The following SIN3A variants were observed in gnomAD, a reference collection of about 807,000 sequenced individuals.
SIN3A encodes the protein paired amphipathic helix protein Sin3a.
Under a neutral mutation model 146.1 loss-of-function variants are expected in SIN3A, and 14 were observed. The ratio of observed to expected loss-of-function variants is 0.10; its 90% confidence interval spans 0.06 to 0.15. The LOEUF (loss-of-function observed/expected upper bound fraction) is 0.15. SIN3A is among the 10% of genes least tolerant of loss of function. SIN3A has a pLI of 1.00. For synonymous variants in SIN3A, 572 were observed against 572.0 expected (o/e 1.00, Z 0.00); for missense variants, 1,028 against 1,576.0 (o/e 0.65, Z 5.89).
In SIN3A at chr15:75,412,844, T is replaced by C. The variant is rs145763932; in HGVS notation, c.675A>G (p.Gln225=). 1.2e-4 allele frequency: 189 copies of C among 1,612,262 alleles called. No individual in the cohort carries two copies. The highest frequency in any genetic ancestry group is 1.5e-4 in the Non-Finnish European group (179 of 1,179,096). Residue 225 remains glutamine, a synonymous_variant, in exon 5 of 21, where the codon CAA becomes CAG. Coordinates refer to ENST00000394947, the MANE Select transcript of SIN3A (RefSeq NM_001145358.2). ...GIQPQPQPPP[Q]HPSQPSAQSA... ...ACTGGGCTGAAGGCTGGGAAGGATGTTGGGGTGGTGGTTGAGGCTGTGGCT... is the reference window on the plus strand; with the variant it reads ...ACTGGGCTGAAGGCTGGGAAGGATGCTGGGGTGGTGGTTGAGGCTGTGGCT...
chr15:75,372,393 T>G (rs1005777130), intron 20 of SIN3A, among the ~76,000 whole-genome samples, 184 bp from the exon 21 acceptor site: 1 of 151,078 alleles, frequency 6.6e-6, no homozygotes, highest in Non-Finnish European at 1.5e-5. Context: ...GTTAAAGAGG[T>G]AAGAACATAG....
chr15:75,391,425 A>G (rs2073196858), intron 15 of SIN3A, among the ~76,000 whole-genome samples: 1 of 152,034 alleles, frequency 6.6e-6, no homozygotes, highest in Non-Finnish European at 1.5e-5. Context: ...AGCTTTCAGA[A>G]TTATTTTTCA....
At chr15:75,395,870 A>T (rs1241867084) in intron 13 of SIN3A, among the ~76,000 whole-genome samples, 1 of 152,158 alleles carries the variant, frequency 6.6e-6, no homozygotes, top group Non-Finnish European at 1.5e-5. Context: ...ACACTACTGC[A>T]CTCCAGCCTG....
At chr15:75,424,151 C>T (rs1374781241) in intron 2 of SIN3A, among the ~76,000 whole-genome samples, 1 of 151,800 alleles carries the variant, frequency 6.6e-6, no homozygotes, top group African/African-American at 2.4e-5. Context: ...TACATAAACC[C>T]GCCGGGCGTG....
chr15:75,375,657 G>C lies in SIN3A; in HGVS notation c.3591+8C>G. The C allele has an allele frequency of 1.2e-6, 2 of 1,612,030 alleles. No individual in the cohort carries two copies. The highest frequency in any genetic ancestry group is 1.7e-6 in the Non-Finnish European group (2 of 1,178,092). On this transcript the variant is annotated splice_region_variant and intron_variant, in intron 20 of 20. Coordinates refer to ENST00000394947, the MANE Select transcript of SIN3A (RefSeq NM_001145358.2). ...ATGTGTACAGAAATTTCAGTTACTGGTTCTCACCTGATGAGCCCGGAGCAG... is the reference window on the plus strand; with the variant it reads ...ATGTGTACAGAAATTTCAGTTACTGCTTCTCACCTGATGAGCCCGGAGCAG...
chr15:75,409,725 TCAAAAAAA>T, intron 8 of SIN3A, 103 bp downstream of exon 8: 1 of 1,251,624 alleles, frequency 8.0e-7, no homozygotes, highest in East Asian at 2.3e-5. Flanking sequence ...AGACTCGGTC[TCAAAAAAA>T]CAAAAAAAAA....
chr15:75,428,542 C>CT (rs1298073934), intron 2 of SIN3A, among the ~76,000 whole-genome samples: 32 of 152,174 alleles, frequency 2.1e-4, no homozygotes, highest in Admixed American at 4.6e-4. Context: ...AGTTCACACT[C>CT]TGTCACCCAC....
chr15:75,439,635 G>C (rs893201587), intron 1 of SIN3A, among the ~76,000 whole-genome samples: 9 of 151,782 alleles, frequency 5.9e-5, no homozygotes, highest in African/African-American at 2.2e-4. Context: ...GTGAGCCACC[G>C]CACCCGGCCA....
chr15:75,399,002 G>A (rs541086365), intron 12 of SIN3A, among the ~76,000 whole-genome samples: 2 of 150,062 alleles, frequency 1.3e-5, no homozygotes, highest in Non-Finnish European at 3.0e-5. Context: ...AAACCTGCAC[G>A]TTCTGCACAT....
chr15:75,446,705 TG>T (rs1340864629), intron 1 of SIN3A, among the ~76,000 whole-genome samples: 3 of 152,076 alleles, frequency 2.0e-5, no homozygotes, highest in Non-Finnish European at 4.4e-5. Flanking sequence ...ATGCCCAAGC[TG>T]GTCTCAAACT....
chr15:75,391,833 C>T (rs960726005), intron 15 of SIN3A, among the ~76,000 whole-genome samples: 1 of 152,160 alleles, frequency 6.6e-6, no homozygotes, highest in African/African-American at 2.4e-5. Flanking sequence ...AACAGAAGTC[C>T]TGCTCAAAAA....
At chr15:75,417,063 G>A (rs2073751727) in intron 3 of SIN3A, among the ~76,000 whole-genome samples, 1 of 151,224 alleles carries the variant, frequency 6.6e-6, no homozygotes, top group Admixed American at 6.6e-5. Flanking sequence ...TCATTGTTAA[G>A]GATTGTCCAT....
chr15:75,455,387 A>G (rs1210932067), upstream of SIN3A, among the ~76,000 whole-genome samples: 3 of 152,046 alleles, frequency 2.0e-5, no homozygotes, highest in East Asian at 3.9e-4. Context: ...TTTTCTTTCC[A>G]GTATTTTTCT....
At chr15:75,407,182 G>T in intron 8 of SIN3A, 38 bp from the exon 9 acceptor site, 2 of 1,372,576 alleles carry the variant, frequency 1.5e-6, no homozygotes, top group Non-Finnish European at 1.0e-6. Flanking sequence ...GATTCAACGA[G>T]TGGTTTTCTC....
At chr15:75,452,144 T>C (rs1023350017), upstream of SIN3A, among the ~76,000 whole-genome samples, 8 of 152,138 alleles carry the variant, frequency 5.3e-5, no homozygotes, top group African/African-American at 9.7e-5. Context: ...TGTCTGTAAG[T>C]GAAACAGGCT....
At position 75,392,235 on chromosome 15, in the gene SIN3A, C is replaced by A; in HGVS notation, c.2851+7G>T. ...ATCCTCTGTAAATCAGAGGTCTCGGCACTCACTAGGTTCTTTGAGACGTAG... is the reference window on the plus strand; with the variant it reads ...ATCCTCTGTAAATCAGAGGTCTCGGAACTCACTAGGTTCTTTGAGACGTAG... On this transcript the variant is annotated splice_region_variant and intron_variant, in intron 15 of 20. Coordinates refer to ENST00000394947, the MANE Select transcript of SIN3A (RefSeq NM_001145358.2). 1.2e-6 allele frequency: 2 copies of A among 1,609,258 alleles called. No homozygotes were observed. Among genetic ancestry groups the A allele is most frequent in the Non-Finnish European group, 1.7e-6 (2 of 1,176,556 alleles).
chr15:75,388,196 AAGTAC>A (rs1440340718), intron 16 of SIN3A: 1 of 152,248 alleles, frequency 6.6e-6, no homozygotes, highest in Non-Finnish European at 1.5e-5. Flanking sequence ...GTTTTCACTT[AAGTAC>A]TTCACCGCCT....
intron 2 of SIN3A, among the ~76,000 whole-genome samples, chr15:75,423,767 C>G (rs1209212675): frequency 6.6e-6 from 1 of 152,102 alleles, no homozygotes. Flanking sequence ...CCCAGGCAGA[C>G]AGATCACTTG....
Position 75,422,694 on chromosome 15 carries a change from G to A in SIN3A, c.319C>T (p.Pro107Ser). 6.2e-7 allele frequency: 1 copy of A among 1,614,180 alleles called. No homozygotes were observed. The highest frequency in any genetic ancestry group is 1.1e-5 in the South Asian group (1 of 91,076). ...TGTCCCTGCACTGGTGCAACTGGTG[G>A]GGCTGGATGAGCATGACTCTGGACC... is the stretch of plus-strand genomic sequence containing the variant. ...QVVQSHAHPA[P>S]PVAPVQGQQQ... is the part of the protein sequence containing the mutation. Residue 107 changes from proline to serine, a missense_variant, in exon 3 of 21, where the codon CCA becomes TCA. Coordinates refer to ENST00000394947, the MANE Select transcript of SIN3A (RefSeq NM_001145358.2).
Sources: gnomAD v4.1 joint callset for allele counts (sites outside exome capture counted in the v4.1 genomes callset) on GRCh38, gnomAD v4.1.1 for gene constraint, MANE v1.5 for transcripts, NCBI Gene and HGNC (gene_info 2026-07-23, HGNC 2026-07-21) for gene names.